The following KIAA1328 variants were observed in gnomAD, a reference collection of about 807,000 sequenced individuals.
The protein encoded by KIAA1328 is protein hinderin.
Under a neutral mutation model 68.1 loss-of-function variants are expected in KIAA1328, and 52 were observed. The ratio of observed to expected loss-of-function variants is 0.76; its 90% CI spans 0.61 to 0.96. The LOEUF (loss-of-function observed/expected upper bound fraction) is 0.96. KIAA1328 is among the 40% of genes least tolerant of loss of function. The probability of loss-of-function intolerance (pLI) is 0.00; values close to 1 mark genes in which losing one functional copy is unlikely to be tolerated. For synonymous variants in KIAA1328, 232 were observed against 239.4 expected, an observed-to-expected ratio of 0.97 and a Z score of 0.28; for missense variants, 641 against 677.6, an observed-to-expected ratio of 0.95 and a Z score of 0.60.
intron 9 of KIAA1328, among the ~76,000 whole-genome samples, chr18:37,189,392 A>G (rs1044114142): frequency 6.6e-6 from 1 of 152,234 alleles, no homozygotes; most frequent in Non-Finnish European, 1.5e-5. Flanking sequence ...GTTAAAATAA[A>G]TTATTTTAAA....
downstream of KIAA1328, among the ~76,000 whole-genome samples, chr18:37,225,936 A>G (rs1350202335): frequency 6.6e-6 from 1 of 152,196 alleles, no homozygotes; most frequent in African/African-American, 2.4e-5. Context: ...AAAATTGCTC[A>G]TGGACTACTG....
chr18:37,185,728 CACACACACACACGT>C (rs547582202), intron 9 of KIAA1328, among the ~76,000 whole-genome samples: 30 of 151,740 alleles, frequency 2.0e-4, no homozygotes, highest in Non-Finnish European at 3.7e-4. Flanking sequence ...TATACACACA[CACACACACACACGT>C]ACACACACAC....
At chr18:36,850,322 T>C (rs1217944452) in intron 4 of KIAA1328, among the ~76,000 whole-genome samples, 1 of 152,088 alleles carries the variant, frequency 6.6e-6, no homozygotes, top group Admixed American at 6.6e-5. Flanking sequence ...AGCTATTGTG[T>C]GTTGATCTTG....
At chr18:36,989,185 C>T (rs1427191734) in intron 6 of KIAA1328, among the ~76,000 whole-genome samples, 1 of 152,048 alleles carries the variant, frequency 6.6e-6, no homozygotes, top group Non-Finnish European at 1.5e-5. Context: ...TTTTTCGTTT[C>T]TCTCAGTCTT....
In KIAA1328 at chr18:37,119,164, G is replaced by A. The variant is rs561038001; in HGVS notation, c.1233-41036G>A. 3.3e-5 allele frequency among the ~76,000 whole-genome samples: 5 copies of A among 152,222 alleles called. No individual in the cohort carries two copies. In the South Asian group the frequency reaches 1.0e-3, roughly 32 times the overall value. ...TGGTGGTTTTGCAAAAGTATTATGT[G>A]CATAAAAGGAAAATCCATATATAGA... On this transcript the variant is annotated intron_variant, in intron 7 of 9. Transcript: ENST00000280020.
At chr18:36,891,748 G>A (rs866912138) in intron 5 of KIAA1328, among the ~76,000 whole-genome samples, 4 of 152,218 alleles carry the variant, frequency 2.6e-5, no homozygotes, top group Middle Eastern at 3.4e-3. Flanking sequence ...TTGCTATTGC[G>A]AACTGTGCTG....
intron 5 of KIAA1328, among the ~76,000 whole-genome samples, chr18:36,897,134 T>C (rs2151019585): frequency 6.6e-6 from 1 of 152,222 alleles, no homozygotes; most frequent in African/African-American, 2.4e-5. Flanking sequence ...GAATTGTATC[T>C]TCCTATGGAA....
chr18:36,966,963 A>G (rs1406638375), intron 6 of KIAA1328, among the ~76,000 whole-genome samples: 1 of 152,208 alleles, frequency 6.6e-6, no homozygotes, highest in Non-Finnish European at 1.5e-5. Context: ...TAGCCAAAAC[A>G]ATTTTGAGAA....
intron 6 of KIAA1328, among the ~76,000 whole-genome samples, chr18:37,004,287 T>C (rs1375374461): frequency 6.6e-6 from 1 of 152,020 alleles, no homozygotes; most frequent in African/African-American, 2.4e-5. Context: ...ATTTTCCTTG[T>C]AGGGGTCTTT....
chr18:37,102,042 G>T (rs1307083790), intron 7 of KIAA1328, among the ~76,000 whole-genome samples: 1 of 152,152 alleles, frequency 6.6e-6, no homozygotes, highest in African/African-American at 2.4e-5. Flanking sequence ...ACCAGATGAA[G>T]CTACAACAGA....
intron 4 of KIAA1328, among the ~76,000 whole-genome samples, chr18:36,857,325 A>G (rs571725851): frequency 6.6e-6 from 1 of 152,284 alleles, no homozygotes; most frequent in East Asian, 1.9e-4. Context: ...TTTGCCAGGT[A>G]TCTGTGAGTA....
At chr18:36,949,597 T>TCCCCCCCCCCCCCCCCC (rs71168248) in intron 5 of KIAA1328, among the ~76,000 whole-genome samples, 5 of 57,360 alleles carry the variant, frequency 8.7e-5, no homozygotes, top group Non-Finnish European at 1.3e-4. Context: ...TCTACCCAGC[T>TCCCCCCCCCCCCCCCCC]CCCCCCCCCC....
At chr18:37,023,254 GC>G (rs1438811400) in intron 6 of KIAA1328, among the ~76,000 whole-genome samples, 1 of 152,096 alleles carries the variant, frequency 6.6e-6, no homozygotes, top group African/African-American at 2.4e-5. Context: ...TTGCTCTGTT[GC>G]CCAGGCTGGT....
chr18:36,923,265 CA>C (rs1030399106), intron 5 of KIAA1328, among the ~76,000 whole-genome samples: 1 of 151,840 alleles, frequency 6.6e-6, no homozygotes, highest in Non-Finnish European at 1.5e-5. Context: ...CTAGTAAAAG[CA>C]AAACAAATGA....
At chr18:37,015,842 A>T (rs1289944696) in intron 6 of KIAA1328, among the ~76,000 whole-genome samples, 1 of 152,148 alleles carries the variant, frequency 6.6e-6, no homozygotes, top group African/African-American at 2.4e-5. Context: ...ATTTTTCTAA[A>T]CTTATTTTGT....
chr18:36,888,061 C>T (rs1172121731), intron 5 of KIAA1328, among the ~76,000 whole-genome samples: 2 of 152,148 alleles, frequency 1.3e-5, no homozygotes, highest in Non-Finnish European at 2.9e-5. Context: ...AGTGCTAAAC[C>T]AGTCTATACT....
intron 5 of KIAA1328, among the ~76,000 whole-genome samples, chr18:36,905,688 G>A (rs1157781567): frequency 1.3e-5 from 2 of 151,864 alleles, no homozygotes; most frequent in African/African-American, 4.8e-5. Context: ...CTTCCTTTTT[G>A]CCTCCAGATA....
intron 6 of KIAA1328, among the ~76,000 whole-genome samples, chr18:36,972,770 A>T (rs2052281819): frequency 6.6e-6 from 1 of 152,180 alleles, no homozygotes; most frequent in Non-Finnish European, 1.5e-5. Context: ...TGTCCCAGTA[A>T]GCAAACTTCT....
chr18:37,231,347 T>C (rs1407591221), downstream of KIAA1328: 1 of 152,176 alleles, frequency 6.6e-6, no homozygotes, highest in Non-Finnish European at 1.5e-5. Flanking sequence ...TTTATTAAGA[T>C]GAGAAGTGAC....
Sources: allele counts gnomAD v4.1 joint callset (sites outside exome capture counted in the v4.1 genomes callset), GRCh38; gene constraint gnomAD v4.1.1; transcripts MANE v1.5; gene names NCBI Gene and HGNC (gene_info 2026-07-23, HGNC 2026-07-21).